ROBO2: variants seen among roughly 807,000 people sequenced by gnomAD.
ROBO2 encodes roundabout guidance receptor 2.
Under a neutral mutation model 160.8 loss-of-function variants are expected in ROBO2, and 53 were observed. The observed-to-expected ratio is 0.33, with a 90% confidence interval of 0.26 to 0.41. The LOEUF (loss-of-function observed/expected upper bound fraction) is 0.41, where lower values mean the gene tolerates loss of function less well. Ranked by LOEUF, ROBO2 falls within the 10% of genes least tolerant of loss-of-function variation. The pLI is 1.00. For missense variants in ROBO2, 1,577 were observed against 1,722.4 expected (o/e 0.92, Z 1.49); for synonymous variants, 664 against 611.7 (o/e 1.09, Z -1.26).
intron 2 of ROBO2, among the ~76,000 whole-genome samples, chr3:76,501,514 T>A (rs1252086330): frequency 6.6e-6 from 1 of 152,204 alleles, no homozygotes; most frequent in Non-Finnish European, 1.5e-5. Context: ...TATTATTAAG[T>A]GTTCAGTTGT....
intron 2 of ROBO2, among the ~76,000 whole-genome samples, chr3:77,248,443 G>C (rs567845028): frequency 6.6e-6 from 1 of 151,894 alleles, no homozygotes; most frequent in Non-Finnish European, 1.5e-5. Context: ...CTGACCCTCC[G>C]CTGAGCTGCT....
chr3:77,527,498 A>G (rs2091278328), intron 6 of ROBO2, 84 bp downstream of exon 7: 5 of 999,532 alleles, frequency 5.0e-6, no homozygotes, highest in South Asian at 1.5e-5. Flanking sequence ...ACAGAATGAA[A>G]TATATTTATT....
intron 2 of ROBO2, among the ~76,000 whole-genome samples, chr3:75,984,870 G>A (rs1232939032): frequency 6.6e-5 from 10 of 151,234 alleles, no homozygotes; most frequent in Admixed American, 1.3e-4. Flanking sequence ...TGTAATAGTA[G>A]CATATTTTGT....
intron 2 of ROBO2, among the ~76,000 whole-genome samples, chr3:76,637,023 C>G (rs1200913716): frequency 1.3e-5 from 2 of 151,928 alleles, no homozygotes; most frequent in African/African-American, 4.8e-5. Context: ...AGTTTTGGGA[C>G]TGAGCAAGCA....
intron 5 of ROBO2, among the ~76,000 whole-genome samples, chr3:77,498,744 G>A (rs11127597): frequency 0.018 from 2,695 of 152,116 alleles, 73 homozygotes; most frequent in African/African-American, 0.059. Flanking sequence ...ATGCTGAACA[G>A]GTGCTCAGCT....
chr3:77,376,739 G>A (rs1342858698), intron 2 of ROBO2, among the ~76,000 whole-genome samples: 2 of 152,058 alleles, frequency 1.3e-5, no homozygotes, highest in African/African-American at 4.8e-5. Context: ...TCCTCCATTA[G>A]ACCGCAAGTC....
chr3:77,289,362 G>T (rs1319643291), intron 2 of ROBO2, among the ~76,000 whole-genome samples: 3 of 152,030 alleles, frequency 2.0e-5, no homozygotes, highest in Admixed American at 2.0e-4. Flanking sequence ...AAACGGGTAA[G>T]CTGAGACTAG....
intron 21 of ROBO2, among the ~76,000 whole-genome samples, chr3:77,615,821 T>C (rs954910676): frequency 6.6e-6 from 1 of 152,196 alleles, no homozygotes; most frequent in African/African-American, 2.4e-5. Context: ...TTATGATAAA[T>C]TCAGCTTTTA....
At chr3:77,269,915 C>A (rs1026784474) in intron 2 of ROBO2, among the ~76,000 whole-genome samples, 11 of 152,032 alleles carry the variant, frequency 7.2e-5, no homozygotes, top group Admixed American at 6.5e-5. Flanking sequence ...AACTGCATAG[C>A]AAACTATATT....
chr3:77,385,460 A>T (rs1318147711), intron 2 of ROBO2, among the ~76,000 whole-genome samples: 1 of 152,212 alleles, frequency 6.6e-6, no homozygotes, highest in African/African-American at 2.4e-5. Context: ...ATCCCATTGT[A>T]ATGGTACCCA....
At chr3:76,141,116 G>GCTCTCTCT (rs55829903) in intron 2 of ROBO2, among the ~76,000 whole-genome samples, 2 of 16,686 alleles carry the variant, frequency 1.2e-4, no homozygotes, top group African/African-American at 2.0e-4. Flanking sequence ...GAGCTACCAT[G>GCTCTCTCT]CTCTCTCTCT....
intron 2 of ROBO2, among the ~76,000 whole-genome samples, chr3:77,104,230 A>G (rs1308467773): frequency 1.3e-5 from 2 of 151,948 alleles, no homozygotes; most frequent in East Asian, 3.9e-4. Flanking sequence ...GCACCCTCTC[A>G]CCCCAGCCCT....
intron 2 of ROBO2, among the ~76,000 whole-genome samples, chr3:76,898,905 G>A (rs769187188): frequency 5.9e-5 from 9 of 152,080 alleles, no homozygotes; most frequent in Non-Finnish European, 1.2e-4. Flanking sequence ...TTATATTTGC[G>A]TTATGTGCAA....
chr3:77,068,741 A>G (rs746742387), intron 1 of ROBO2, among the ~76,000 whole-genome samples: 71 of 152,286 alleles, frequency 4.7e-4, no homozygotes, highest in Non-Finnish European at 5.7e-4. Context: ...TAAATTCAAC[A>G]TAATTCCACA....
intron 2 of ROBO2, among the ~76,000 whole-genome samples, chr3:76,138,705 T>C (rs1252973619): frequency 2.6e-5 from 4 of 152,134 alleles, no homozygotes; most frequent in Non-Finnish European, 2.9e-5. Flanking sequence ...CAGAATCCAA[T>C]TATTTGTAGT....
chr3:76,489,823 A>G (rs1280478994), intron 2 of ROBO2, among the ~76,000 whole-genome samples: 1 of 152,072 alleles, frequency 6.6e-6, no homozygotes, highest in Non-Finnish European at 1.5e-5. Flanking sequence ...TAAACATTTT[A>G]ATATTTTAAT....
At chr3:76,984,125 T>C (rs1382861523) in intron 2 of ROBO2, among the ~76,000 whole-genome samples, 1 of 152,134 alleles carries the variant, frequency 6.6e-6, no homozygotes. Context: ...CGGGATCCAG[T>C]TACCTCCACC....
chr3:76,053,594 G>A (rs2067729700), intron 2 of ROBO2, among the ~76,000 whole-genome samples: 1 of 152,006 alleles, frequency 6.6e-6, no homozygotes, highest in Non-Finnish European at 1.5e-5. Flanking sequence ...CAAAAGAAAT[G>A]TTATCAGATG....
intron 2 of ROBO2, among the ~76,000 whole-genome samples, chr3:76,248,586 A>G (rs1445653138): frequency 6.6e-6 from 1 of 151,826 alleles, no homozygotes; most frequent in East Asian, 1.9e-4. Context: ...GCACATGTAT[A>G]CATATGTAAC....
Sources: allele counts gnomAD v4.1 joint callset (sites outside exome capture counted in the v4.1 genomes callset), GRCh38; gene constraint gnomAD v4.1.1; transcripts MANE v1.5; gene names NCBI Gene and HGNC (gene_info 2026-07-23, HGNC 2026-07-21).